The following CDYL2 variants were observed in gnomAD, a reference collection of about 807,000 sequenced individuals.
The protein encoded by CDYL2 is chromodomain Y-like protein 2.
Under a neutral mutation model 49.4 loss-of-function variants are expected in CDYL2, and 23 were observed. The ratio of observed to expected loss-of-function variants is 0.47; its 90% CI spans 0.34 to 0.66. CDYL2 has a LOEUF of 0.66. Among genes scored for constraint, CDYL2 ranks in the 30% least tolerant of loss-of-function variants. The pLI is 0.01. For synonymous variants in CDYL2, 360 were observed against 268.8 expected (o/e 1.34, Z -3.32); for missense variants, 678 against 656.4 (o/e 1.03, Z -0.36).
chr16:80,608,005 G>C, intron 6 of CDYL2, 87 bp downstream of exon 6: 1 of 1,416,974 alleles, frequency 7.1e-7, no homozygotes, highest in Non-Finnish European at 9.3e-7. Context: ...CCTCTAGCAA[G>C]TCAGTGAAGC....
At chr16:80,753,435 C>T (rs889381574) in intron 1 of CDYL2, among the ~76,000 whole-genome samples, 1 of 151,964 alleles carries the variant, frequency 6.6e-6, no homozygotes, top group African/African-American at 2.4e-5. Context: ...ATGGAGAAAC[C>T]CCATCTCTAA....
chr16:80,774,196 C>T (rs1034707863), intron 1 of CDYL2, among the ~76,000 whole-genome samples: 25 of 152,068 alleles, frequency 1.6e-4, no homozygotes, highest in African/African-American at 5.8e-4. Context: ...GATACATACA[C>T]ATAAACAATG....
chr16:80,682,843 C>G (rs1482120660), intron 2 of CDYL2, among the ~76,000 whole-genome samples: 1 of 152,226 alleles, frequency 6.6e-6, no homozygotes, highest in Non-Finnish European at 1.5e-5. Flanking sequence ...AGATGAATTT[C>G]TAAAACAAAC....
chr16:80,804,676 G>T (rs1399683089), upstream of CDYL2, among the ~76,000 whole-genome samples: 2 of 146,562 alleles, frequency 1.4e-5, no homozygotes, highest in South Asian at 2.1e-4. Flanking sequence ...GCCGCGCCCC[G>T]GGGGACCGGT....
chr16:80,737,203 A>G (rs11150310), intron 1 of CDYL2, among the ~76,000 whole-genome samples: 64,317 of 151,952 alleles, frequency 0.42, 16,503 homozygotes, highest in Middle Eastern at 0.61. Context: ...TACCCCATGT[A>G]GACTGCTGTT....
At chr16:80,804,664 C>T (rs1370774381), upstream of CDYL2, among the ~76,000 whole-genome samples, 1 of 146,074 alleles carries the variant, frequency 6.8e-6, no homozygotes, top group Non-Finnish European at 1.5e-5. Context: ...GGCTGCTGCC[C>T]GGCCGCGCCC....
intron 1 of CDYL2, among the ~76,000 whole-genome samples, chr16:80,766,003 A>G (rs1315129249): frequency 2.6e-5 from 4 of 152,016 alleles, no homozygotes; most frequent in South Asian, 4.2e-4. Flanking sequence ...GCATGATTCC[A>G]TCTACATGAA....
At chr16:80,626,974 C>T (rs1054158010) in intron 3 of CDYL2, among the ~76,000 whole-genome samples, 6 of 152,030 alleles carry the variant, frequency 3.9e-5, no homozygotes, top group South Asian at 2.1e-4. Context: ...GTAAGAGGCA[C>T]GACCATGATT....
intron 2 of CDYL2, among the ~76,000 whole-genome samples, chr16:80,662,495 C>T (rs902071122): frequency 5.3e-5 from 8 of 152,098 alleles, no homozygotes; most frequent in African/African-American, 1.9e-4. Context: ...TTTTACTCTC[C>T]TTATTATCCT....
Position 80,600,892 on chromosome 16 carries a change from T to G in CDYL2, c.*3496A>C, listed in dbSNP as rs1906052763. On this transcript the variant is annotated 3_prime_UTR_variant, in exon 7 of 7. Transcript: ENST00000570137. ...TGGATATTCAGAGATACAGTTGCATTGTTCAAAGTCTACTGTGATTATTAT... is the reference window on the plus strand; with the variant it reads ...TGGATATTCAGAGATACAGTTGCATGGTTCAAAGTCTACTGTGATTATTAT... 6.6e-6 allele frequency: 1 copy of G among 152,232 alleles called. No homozygotes were observed. The highest frequency in any genetic ancestry group is 1.5e-5 in the Non-Finnish European group (1 of 68,042). The allele number at this position is 152,232 out of a possible 1,614,324, so 9.4% of individuals were successfully genotyped here.
rs1014350582 is a variant in CDYL2 at position 80,645,160 on chromosome 16, G to T, written c.617-11924C>A. On this transcript the variant is annotated intron_variant, in intron 2 of 6. Transcript: ENST00000570137. ...AAATGGGATCTAATTAAACTAAGAA[G>T]CTTCTGCACAGCAAAAGAAACTACC... Among the ~76,000 whole-genome samples, 6 of 152,300 alleles carry T rather than the reference G, an allele frequency of 3.9e-5. 1 individual carries two copies. The highest frequency in any genetic ancestry group is 2.1e-4 in the South Asian group (1 of 4,824).
intron 2 of CDYL2, among the ~76,000 whole-genome samples, chr16:80,661,904 G>T (rs990492342): frequency 6.6e-6 from 1 of 152,148 alleles, no homozygotes; most frequent in African/African-American, 2.4e-5. Context: ...GTGCCTAGAG[G>T]ACACCGCATG....
chr16:80,766,042 C>T (rs185847849), intron 1 of CDYL2, among the ~76,000 whole-genome samples: 299 of 151,732 alleles, frequency 2.0e-3, no homozygotes, highest in African/African-American at 6.9e-3. Context: ...TCCATAGAGA[C>T]GGAAAGTAGA....
chr16:80,727,455 G>A (rs896338242), intron 1 of CDYL2, among the ~76,000 whole-genome samples: 7 of 152,318 alleles, frequency 4.6e-5, no homozygotes, highest in Admixed American at 2.0e-4. Context: ...CTACGCCCAC[G>A]GAGTCTCGCT....
At chr16:80,605,158 A>C (rs1399171050) in intron 6 of CDYL2, among the ~76,000 whole-genome samples, 1 of 152,030 alleles carries the variant, frequency 6.6e-6, no homozygotes, top group Non-Finnish European at 1.5e-5. Flanking sequence ...TAATGATCAT[A>C]GTAATCATGG....
At position 80,646,892 on chromosome 16, in the gene CDYL2, GA is replaced by G. The variant is rs58154796; in HGVS notation, c.617-13657del. The stretch of plus-strand genomic sequence containing the variant: ...CTTCGCCTTTAAAGACAAATAGACT[GA>G]AAAAAAAAAAGGATGGAAAAAGATA... On this transcript the variant is annotated intron_variant, in intron 2 of 6. Coordinates refer to ENST00000570137, the MANE Select transcript of CDYL2 (RefSeq NM_152342.4). 4.6e-4 allele frequency among the ~76,000 whole-genome samples: 66 copies of G among 143,648 alleles called. 1 individual carries two copies. Among genetic ancestry groups the G allele is most frequent in the African/African-American group, 1.2e-3 (46 of 39,678 alleles). 94.2% of individuals were successfully genotyped at this position (143,648 alleles called of 152,430 possible). A position where few individuals can be genotyped will look rare whatever the true frequency, so the allele number is the denominator to read the frequency against.
chr16:80,778,047 A>T (rs1160503882), intron 1 of CDYL2, among the ~76,000 whole-genome samples: 1 of 152,088 alleles, frequency 6.6e-6, no homozygotes, highest in African/African-American at 2.4e-5. Context: ...ATATCTAGTG[A>T]TAATGGGGAA....
chr16:80,793,014 A>G (rs143909905), intron 1 of CDYL2, among the ~76,000 whole-genome samples: 184 of 152,318 alleles, frequency 1.2e-3, no homozygotes, highest in Non-Finnish European at 2.3e-3. Context: ...CTCAATGCAG[A>G]GCAGCTTCGC....
At chr16:80,643,149 T>C (rs937835388) in intron 2 of CDYL2, among the ~76,000 whole-genome samples, 3 of 152,010 alleles carry the variant, frequency 2.0e-5, no homozygotes, top group Middle Eastern at 3.2e-3. Flanking sequence ...ATGGGAGAAA[T>C]TGGCCAAAAC....
Sources: allele counts gnomAD v4.1 joint callset (sites outside exome capture counted in the v4.1 genomes callset), GRCh38; gene constraint gnomAD v4.1.1; transcripts MANE v1.5; gene names NCBI Gene and HGNC (gene_info 2026-07-23, HGNC 2026-07-21).